TERB1: variants seen among roughly 807,000 people sequenced by gnomAD.
TERB1 encodes the protein telomere repeat binding bouquet formation protein 1.
A neutral mutation model predicts 92.3 loss-of-function variants in TERB1; 63 were observed. The observed-to-expected ratio is 0.68, with a 90% confidence interval of 0.56 to 0.84. The LOEUF (loss-of-function observed/expected upper bound fraction) is 0.84. TERB1 is among the 40% of genes least tolerant of loss of function. The probability of loss-of-function intolerance (pLI) is 0.00; values close to 1 mark genes in which losing one functional copy is unlikely to be tolerated. For missense variants in TERB1, 709 were observed against 843.7 expected (o/e 0.84, Z 1.98); for synonymous variants, 252 against 283.9 (o/e 0.89, Z 1.13).
intron 13 of TERB1, among the ~76,000 whole-genome samples, chr16:66,772,056 A>G (rs971201139): frequency 1.3e-5 from 2 of 150,882 alleles, no homozygotes; most frequent in African/African-American, 4.8e-5. Context: ...CTTTTTAAAA[A>G]TCTTTTATTG....
At chr16:66,760,270 C>A (rs2018213886) in intron 16 of TERB1, among the ~76,000 whole-genome samples, 1 of 141,766 alleles carries the variant, frequency 7.1e-6, no homozygotes, top group African/African-American at 2.6e-5. Context: ...ACCAGCCTGG[C>A]CAATATGGCG....
In TERB1 at chr16:66,785,925, T is replaced by G; in HGVS notation, c.578-17A>C. 2.0e-6 allele frequency: 3 copies of G among 1,536,234 alleles called. No individual in the cohort carries two copies. The highest frequency in any genetic ancestry group is 2.6e-6 in the Non-Finnish European group (3 of 1,139,406). ...GATTCTCATCTGAAAGAAGACAAAGTCAATCATGATTTAATATGACAATTG... is the reference window on the plus strand; with the variant it reads ...GATTCTCATCTGAAAGAAGACAAAGGCAATCATGATTTAATATGACAATTG... On this transcript the variant is annotated splice_polypyrimidine_tract_variant and intron_variant, in intron 8 of 18. Transcript: ENST00000433154.
chr16:66,779,061 G>T, intron 9 of TERB1, 46 bp from the exon 10 acceptor site: 1 of 1,339,644 alleles, frequency 7.5e-7, no homozygotes, highest in Non-Finnish European at 1.0e-6. Context: ...AAACAAGACA[G>T]CTGAATGGTT....
At chr16:66,760,827 A>C (rs1460774925) in intron 16 of TERB1, among the ~76,000 whole-genome samples, 1 of 133,010 alleles carries the variant, frequency 7.5e-6, no homozygotes, top group East Asian at 2.2e-4. Context: ...GAAAAAGAGC[A>C]TCTAGGTTGG....
intron 16 of TERB1, among the ~76,000 whole-genome samples, chr16:66,761,026 C>T (rs201147823): frequency 1.4e-5 from 2 of 142,106 alleles, no homozygotes; most frequent in Non-Finnish European, 1.5e-5. Flanking sequence ...GCAGGAGAAT[C>T]GCTTGAACCC....
At chr16:66,785,543 T>C (rs1342900027) in intron 9 of TERB1, among the ~76,000 whole-genome samples, 5 of 152,204 alleles carry the variant, frequency 3.3e-5, no homozygotes. Flanking sequence ...AGTCTTGCTA[T>C]CTGGTTTCTC....
In TERB1 at chr16:66,755,150, A is replaced by C. The variant is rs2018116082; in HGVS notation, c.2010T>G (p.Ile670Met). The change falls in exon 19 of 19, where the codon ATT becomes ATG. Residue 670 changes from isoleucine to methionine, a missense_variant. Ile to Met is a conservative substitution (Grantham distance 10). Transcript: ENST00000433154. ...CTTCTTCTTCAGTAAAGTTTTTGCG[A>C]ATTCTTCTTTTTTCTATAATTAGAA... is the stretch of plus-strand genomic sequence containing the variant. Reference protein sequence around the residue: ...TTPGGIKKRRIRKNFTEEEVN... With the variant: ...TTPGGIKKRRMRKNFTEEEVN... The C allele has an allele frequency of 6.5e-7, 1 of 1,529,462 alleles. No homozygotes were observed. The highest frequency in any genetic ancestry group is 8.9e-7 in the Non-Finnish European group (1 of 1,128,184). The allele number at this position is 1,529,462 out of a possible 1,614,324, so 94.7% of individuals were successfully genotyped here. A position where few individuals can be genotyped will look rare whatever the true frequency, so the allele number is the denominator to read the frequency against.
chr16:66,791,188 TAAATA>T (rs1444397519), intron 3 of TERB1, among the ~76,000 whole-genome samples, 169 bp from the exon 4 acceptor site: 5 of 152,104 alleles, frequency 3.3e-5, no homozygotes, highest in African/African-American at 7.2e-5. Context: ...AAATGTTCTT[TAAATA>T]AAATAACTTA....
chr16:66,788,337 A>G (rs1366755233), intron 5 of TERB1, 40 bp from the exon 6 acceptor site: 1 of 1,432,796 alleles, frequency 7.0e-7, no homozygotes, highest in Non-Finnish European at 9.2e-7. Flanking sequence ...ATGCATTGTC[A>G]CAAACATGCT....
intron 12 of TERB1, among the ~76,000 whole-genome samples, chr16:66,773,166 TAA>T (rs34191234): frequency 2.6e-4 from 33 of 129,082 alleles, no homozygotes; most frequent in Non-Finnish European, 2.1e-4. Flanking sequence ...CCACCTCTAC[TAA>T]AAAAAAAAAA....
At chr16:66,769,874 A>C (rs2018413442) in intron 14 of TERB1, 89 bp downstream of exon 14, 2 of 892,640 alleles carry the variant, frequency 2.2e-6, no homozygotes, top group Admixed American at 2.6e-5. Flanking sequence ...TCACTTCTAC[A>C]TGCCCAATAT....
chr16:66,775,091 A>G, intron 12 of TERB1, 27 bp downstream of exon 12: 1 of 1,548,418 alleles, frequency 6.5e-7, no homozygotes, highest in East Asian at 2.4e-5. Context: ...TTTGGTTGGT[A>G]TGTTCTTAAA....
chr16:66,793,123 G>A (rs2053953551), intron 3 of TERB1, among the ~76,000 whole-genome samples: 1 of 150,296 alleles, frequency 6.7e-6, no homozygotes, highest in Admixed American at 6.6e-5. Flanking sequence ...ATGAAGGGTG[G>A]ATATAATATA....
intron 16 of TERB1, among the ~76,000 whole-genome samples, chr16:66,761,811 T>C (rs921393713): frequency 4.6e-5 from 7 of 152,030 alleles, no homozygotes; most frequent in African/African-American, 1.4e-4. Flanking sequence ...TCCCAGCACT[T>C]TGGGAGGCCT....
chr16:66,791,375 A>G (rs1043823061), intron 3 of TERB1, among the ~76,000 whole-genome samples: 9 of 152,128 alleles, frequency 5.9e-5, no homozygotes, highest in African/African-American at 2.2e-4. Context: ...GGATGCTACA[A>G]AAACAGTATT....
At position 66,770,224 on chromosome 16, in the gene TERB1, T is replaced by C. The variant is rs1170145985; in HGVS notation, c.1358A>G (p.Asp453Gly). 1.3e-6 allele frequency: 2 copies of C among 1,552,294 alleles called. No homozygotes were observed. Among genetic ancestry groups the C allele is most frequent in the Admixed American group, 2.0e-5 (1 of 51,012 alleles). The stretch of plus-strand genomic sequence containing the variant: ...TGCTTTGCTACCTCGACCAATCCGA[T>C]CTGCATGGAGATGTTTCCATGTATT... ...IQNTWKHLHA[D>G]RIGRGSKAED... Residue 453 changes from aspartate to glycine, a missense_variant, in exon 14 of 19, where the codon GAT (aspartate) becomes GGT (glycine). Coordinates refer to ENST00000433154, the MANE Select transcript of TERB1 (RefSeq NM_001136505.2).
intron 9 of TERB1, among the ~76,000 whole-genome samples, chr16:66,781,351 C>A (rs928925904): frequency 6.6e-6 from 1 of 152,120 alleles, no homozygotes; most frequent in East Asian, 1.9e-4. Flanking sequence ...GCCACCATGC[C>A]CAGCCAATCT....
intron 3 of TERB1, among the ~76,000 whole-genome samples, chr16:66,794,538 A>G (rs1182065866): frequency 5.3e-5 from 8 of 152,136 alleles, no homozygotes; most frequent in Admixed American, 4.6e-4. Context: ...CTTGGTTTTT[A>G]TCTTCTCTAG....
At chr16:66,760,043 G>A (rs767078794) in intron 16 of TERB1, among the ~76,000 whole-genome samples, 5 of 124,466 alleles carry the variant, frequency 4.0e-5, no homozygotes, top group Non-Finnish European at 8.0e-5. Flanking sequence ...TGAGGCAGGA[G>A]AATCGCTTGA....
Sources: allele counts gnomAD v4.1 joint callset (sites outside exome capture counted in the v4.1 genomes callset), GRCh38; gene constraint gnomAD v4.1.1; transcripts MANE v1.5; gene names NCBI Gene and HGNC (gene_info 2026-07-23, HGNC 2026-07-21).